The following NEK10 variants were observed in gnomAD, a reference collection of about 807,000 sequenced individuals.
The protein encoded by NEK10 is NIMA related kinase 10, also known as serine/threonine-protein kinase Nek10.
In NEK10, 122 loss-of-function variants were observed where a neutral mutation model predicts 159.8. That is an observed-to-expected ratio of 0.76 (90% CI 0.66 to 0.89). NEK10 has a LOEUF of 0.89. Ranked by LOEUF, NEK10 falls within the 40% of genes least tolerant of loss-of-function variation. NEK10 has a pLI of 0.00. For synonymous variants in NEK10, 466 were observed against 457.1 expected, an observed-to-expected ratio of 1.02 and a Z score of -0.25; for missense variants, 1,342 against 1,323.1, an observed-to-expected ratio of 1.01 and a Z score of -0.22.
intron 30 of NEK10, among the ~76,000 whole-genome samples, chr3:27,151,137 C>T (rs1454852664): frequency 6.6e-6 from 1 of 152,170 alleles, no homozygotes; most frequent in Non-Finnish European, 1.5e-5. Flanking sequence ...CCGCTAGTCC[C>T]TCTCCATGCT....
intron 32 of NEK10, among the ~76,000 whole-genome samples, chr3:27,124,460 T>C (rs1941707183): frequency 6.6e-6 from 1 of 152,206 alleles, no homozygotes; most frequent in African/African-American, 2.4e-5. Flanking sequence ...ATATTCTAGC[T>C]GATTCTTACA....
rs977637062 is a variant in NEK10 at position 27,206,491 on chromosome 3, T to C, written c.2091-3934A>G. ...TTGCAATATTAGAAAAAATGGTTCC[T>C]TCCTCCCTCTCAGATACCATATAAT... is the stretch of plus-strand genomic sequence containing the variant. On this transcript the variant is annotated intron_variant, in intron 23 of 35. Transcript: ENST00000691995. 12 of 690,764 alleles carry C rather than the reference T, an allele frequency of 1.7e-5. No individual in the cohort carries two copies. The East Asian group carries it at 5.4e-4, about 31-fold the overall frequency. The allele number at this position is 690,764 out of a possible 1,614,324, so 42.8% of individuals were successfully genotyped here.
chr3:27,367,691 T>C (rs1205096625), intron 1 of NEK10: 1 of 152,192 alleles, frequency 6.6e-6, no homozygotes, highest in East Asian at 1.9e-4. Flanking sequence ...TATATAACAA[T>C]AGTGACTGAG....
At chr3:27,334,843 A>G (rs569031650) in intron 5 of NEK10, among the ~76,000 whole-genome samples, 8 of 152,328 alleles carry the variant, frequency 5.3e-5, no homozygotes, top group Non-Finnish European at 1.0e-4. Context: ...GAAAGGAAAT[A>G]TGACACCTCC....
intron 30 of NEK10, among the ~76,000 whole-genome samples, chr3:27,155,966 G>A (rs1283161539): frequency 6.6e-6 from 1 of 152,094 alleles, no homozygotes; most frequent in East Asian, 1.9e-4. Context: ...GAACAGAATA[G>A]AGAACCCAGA....
At chr3:27,354,106 C>CA (rs2048162233) in intron 1 of NEK10, among the ~76,000 whole-genome samples, 1 of 152,170 alleles carries the variant, frequency 6.6e-6, no homozygotes, top group African/African-American at 2.4e-5. Flanking sequence ...AAATACTCTA[C>CA]ATAGCCACAC....
chr3:27,362,987 T>C (rs2048794593), intron 1 of NEK10, among the ~76,000 whole-genome samples: 1 of 152,186 alleles, frequency 6.6e-6, no homozygotes, highest in Non-Finnish European at 1.5e-5. Context: ...TGCCCTTATA[T>C]GCTTCCCATT....
chr3:27,271,966 T>A (rs1300680409), intron 22 of NEK10, among the ~76,000 whole-genome samples: 2 of 152,156 alleles, frequency 1.3e-5, no homozygotes, highest in East Asian at 3.9e-4. Context: ...AGCCTTCAGA[T>A]GGAAAAGTTG....
At chr3:27,170,482 A>G (rs900377168) in intron 29 of NEK10, among the ~76,000 whole-genome samples, 11 of 152,194 alleles carry the variant, frequency 7.2e-5, no homozygotes, top group Non-Finnish European at 1.3e-4. Context: ...CTGTAATCCC[A>G]GCACTTTGGG....
chr3:27,209,933 C>T (rs1950859476), intron 23 of NEK10, among the ~76,000 whole-genome samples: 1 of 151,976 alleles, frequency 6.6e-6, no homozygotes, highest in African/African-American at 2.4e-5. Flanking sequence ...AAATAAACAG[C>T]TAGGGTTTCT....
intron 23 of NEK10, among the ~76,000 whole-genome samples, chr3:27,252,606 A>T (rs1955778759): frequency 6.6e-6 from 1 of 152,234 alleles, no homozygotes; most frequent in African/African-American, 2.4e-5. Context: ...TGCTTATCAC[A>T]AAATCAACAA....
At chr3:27,142,217 T>C (rs1943854670) in intron 30 of NEK10, among the ~76,000 whole-genome samples, 1 of 152,188 alleles carries the variant, frequency 6.6e-6, no homozygotes, top group South Asian at 2.1e-4. Context: ...TAATTCAGTG[T>C]CAAATTACAT....
chr3:27,168,243 T>C (rs1293249840), intron 29 of NEK10, among the ~76,000 whole-genome samples: 2 of 149,280 alleles, frequency 1.3e-5, no homozygotes, highest in African/African-American at 4.9e-5. Flanking sequence ...ATTTTATACA[T>C]GGCACAGAAT....
chr3:27,217,589 C>T (rs1167801678), intron 23 of NEK10, among the ~76,000 whole-genome samples: 1 of 152,142 alleles, frequency 6.6e-6, no homozygotes, highest in African/African-American at 2.4e-5. Context: ...AATTACAATC[C>T]AACATGAGAT....
intron 30 of NEK10, among the ~76,000 whole-genome samples, chr3:27,144,670 T>C (rs1944122137): frequency 6.6e-6 from 1 of 152,212 alleles, no homozygotes; most frequent in African/African-American, 2.4e-5. Context: ...TAGTTCTTTG[T>C]TCTTATTGAT....
intron 13 of NEK10, 103 bp downstream of exon 13, chr3:27,301,593 A>G: frequency 1.1e-6 from 1 of 871,244 alleles, no homozygotes; most frequent in Middle Eastern, 2.4e-4. Context: ...ATTTTTGTAA[A>G]CTTCTAAATT....
At chr3:27,243,828 TG>T (rs1443969765) in intron 23 of NEK10, among the ~76,000 whole-genome samples, 226 of 88,782 alleles carry the variant, frequency 2.5e-3, no homozygotes, top group African/African-American at 0.016. Flanking sequence ...ACTGACACCA[TG>T]GGTGTGTGTG....
intron 3 of NEK10, among the ~76,000 whole-genome samples, chr3:27,351,499 G>A (rs1164537083): frequency 2.0e-5 from 3 of 152,234 alleles, no homozygotes; most frequent in South Asian, 4.1e-4. Context: ...TGTAAAAATG[G>A]GAGTTGTAAT....
At chr3:27,143,946 A>G (rs1332348306) in intron 30 of NEK10, among the ~76,000 whole-genome samples, 2 of 152,230 alleles carry the variant, frequency 1.3e-5, no homozygotes, top group African/African-American at 4.8e-5. Flanking sequence ...TCGGAACTAG[A>G]TTTTAAAATT....
Sources: allele counts gnomAD v4.1 joint callset (sites outside exome capture counted in the v4.1 genomes callset), GRCh38; gene constraint gnomAD v4.1.1; transcripts MANE v1.5; gene names NCBI Gene and HGNC (gene_info 2026-07-23, HGNC 2026-07-21).